Variants in UNC13C observed in about 807,000 individuals in gnomAD.
UNC13C encodes the protein unc-13 homolog C, also known as protein unc-13 homolog C.
Under a neutral mutation model 245.4 loss-of-function variants are expected in UNC13C, and 174 were observed. The observed-to-expected ratio is 0.71, with a 90% CI of 0.63 to 0.80. The LOEUF is 0.80. Ranked by LOEUF, UNC13C falls within the 30% of genes least tolerant of loss-of-function variation. The pLI is 0.00. For missense variants in UNC13C, 2,829 were observed against 2,602.9 expected, an observed-to-expected ratio of 1.09 and a Z score of -1.89; for synonymous variants, 992 against 895.1, an observed-to-expected ratio of 1.11 and a Z score of -1.93.
chr15:54,331,213 T>G (rs890452459), intron 14 of UNC13C, among the ~76,000 whole-genome samples: 1 of 152,066 alleles, frequency 6.6e-6, no homozygotes, highest in African/African-American at 2.4e-5. Context: ...TAATCTTACC[T>G]CTCCCATTTT....
chr15:54,590,113 A>G (rs1284591952), intron 30 of UNC13C, among the ~76,000 whole-genome samples: 1 of 151,970 alleles, frequency 6.6e-6, no homozygotes, highest in Non-Finnish European at 1.5e-5. Flanking sequence ...ATTTGGGTTT[A>G]TTTCTGGGTT....
chr15:54,482,361 C>A (rs1047736479), intron 19 of UNC13C, among the ~76,000 whole-genome samples: 2 of 152,152 alleles, frequency 1.3e-5, no homozygotes, highest in African/African-American at 4.8e-5. Flanking sequence ...GCGTGAACTC[C>A]TTCTTTGAAT....
intron 17 of UNC13C, among the ~76,000 whole-genome samples, chr15:54,385,104 C>T (rs1310165018): frequency 6.6e-6 from 1 of 151,858 alleles, no homozygotes; most frequent in African/African-American, 2.4e-5. Context: ...ACAGAACTAC[C>T]ATAGAATATA....
chr15:54,510,361 T>C (rs1193732038), intron 23 of UNC13C, among the ~76,000 whole-genome samples: 1 of 152,144 alleles, frequency 6.6e-6, no homozygotes, highest in Non-Finnish European at 1.5e-5. Context: ...TTGTGGATTT[T>C]GGTTCAAGAT....
chr15:54,138,247 G>A (rs1317591577), intron 2 of UNC13C, among the ~76,000 whole-genome samples: 2 of 151,900 alleles, frequency 1.3e-5, no homozygotes, highest in East Asian at 3.9e-4. Context: ...ACACTCTAGA[G>A]GAATATATAT....
intron 2 of UNC13C, among the ~76,000 whole-genome samples, chr15:54,039,006 T>C (rs1896703680): frequency 6.6e-6 from 1 of 152,204 alleles, no homozygotes. Flanking sequence ...ATATGGGGTC[T>C]AGATGCAGTT....
intron 30 of UNC13C, among the ~76,000 whole-genome samples, chr15:54,589,660 A>AT (rs199820666): frequency 0.071 from 10,609 of 148,814 alleles, 1,217 homozygotes; most frequent in African/African-American, 0.24. Flanking sequence ...TTTTCATCAG[A>AT]TTTTTTTTTT....
intron 27 of UNC13C, 63 bp from the exon 28 acceptor site, chr15:54,549,572 C>A (rs1363571275): frequency 8.1e-7 from 1 of 1,230,382 alleles, no homozygotes. Flanking sequence ...GACTGCATTT[C>A]TATTGTGACT....
intron 7 of UNC13C, among the ~76,000 whole-genome samples, chr15:54,242,587 A>G (rs775266232): frequency 4.0e-5 from 6 of 151,808 alleles, no homozygotes; most frequent in Non-Finnish European, 7.4e-5. Flanking sequence ...CTTGTTTTCT[A>G]TTTCATTTAT....
chr15:53,971,735 C>T, the UNC13C span, among the ~76,000 whole-genome samples: 1 of 151,998 alleles, frequency 6.6e-6, no homozygotes, highest in East Asian at 1.9e-4. Context: ...TTATTATCTC[C>T]CTTTTAATTC....
Position 54,013,225 on chromosome 15 carries a change from G to A in UNC13C, c.322G>A (p.Val108Ile). 6.2e-7 allele frequency: 1 copy of A among 1,613,746 alleles called. No individual in the cohort carries two copies. Among genetic ancestry groups the A allele is most frequent in the Non-Finnish European group, 8.5e-7 (1 of 1,179,822 alleles). The change falls in exon 2 of 33, where the codon GTA (valine) becomes ATA (isoleucine). Residue 108 changes from valine to isoleucine, a missense_variant. Physicochemically the swap from Val to Ile is conservative, Grantham distance 29 (BLOSUM62 3). Transcript: ENST00000260323. ...IANGLQKNAK[V>I]TNSDNEDLLQ... ...CAATGGCCTACAAAAGAATGCTAAA[G>A]TAACCAACAGTGATAATGAGGATCT... is the stretch of plus-strand genomic sequence containing the variant.
chr15:54,225,529 T>C (rs112521174), intron 4 of UNC13C, among the ~76,000 whole-genome samples: 6,347 of 152,244 alleles, frequency 0.042, 289 homozygotes, highest in East Asian at 0.23. Context: ...CCTTCACTCC[T>C]TGTTAGCTGT....
chr15:54,357,897 A>G (rs2039133642), intron 17 of UNC13C, among the ~76,000 whole-genome samples: 5 of 152,040 alleles, frequency 3.3e-5, no homozygotes, highest in Admixed American at 3.3e-4. Flanking sequence ...ATGTGTTTGT[A>G]TGTATGTATA....
chr15:54,538,549 G>A (rs1363562292), intron 26 of UNC13C, among the ~76,000 whole-genome samples: 3 of 152,044 alleles, frequency 2.0e-5, no homozygotes, highest in African/African-American at 7.2e-5. Context: ...GCATGCGTAT[G>A]TTCATTGCAG....
At chr15:54,418,471 G>T (rs2040566653) in intron 19 of UNC13C, among the ~76,000 whole-genome samples, 2 of 152,234 alleles carry the variant, frequency 1.3e-5, no homozygotes, top group South Asian at 2.1e-4. Context: ...TCCACTGCTT[G>T]TTCTGCATGT....
chr15:53,899,317 A>G, the UNC13C span, among the ~76,000 whole-genome samples: 1 of 152,168 alleles, frequency 6.6e-6, no homozygotes, highest in African/African-American at 2.4e-5. Context: ...GAATCTGTTG[A>G]CTCTCTGAAT....
intron 28 of UNC13C, among the ~76,000 whole-genome samples, chr15:54,551,860 G>A (rs553122181): frequency 4.0e-5 from 6 of 151,890 alleles, no homozygotes; most frequent in African/African-American, 1.4e-4. Flanking sequence ...TGAAACTCCA[G>A]CTGGCATGAA....
intron 17 of UNC13C, among the ~76,000 whole-genome samples, chr15:54,384,228 C>G (rs991383592): frequency 6.6e-6 from 1 of 151,906 alleles, no homozygotes; most frequent in African/African-American, 2.4e-5. Flanking sequence ...AGAACAAACC[C>G]GGAGGCATCA....
At chr15:54,615,897 GC>G (rs1386633442) in intron 30 of UNC13C, among the ~76,000 whole-genome samples, 1 of 151,880 alleles carries the variant, frequency 6.6e-6, no homozygotes, top group African/African-American at 2.4e-5. Flanking sequence ...CACTAATATT[GC>G]CCCCTTTATT....
Sources: allele counts gnomAD v4.1 joint callset (sites outside exome capture counted in the v4.1 genomes callset), GRCh38; gene constraint gnomAD v4.1.1; transcripts MANE v1.5; gene names NCBI Gene and HGNC (gene_info 2026-07-23, HGNC 2026-07-21).